TXK: variants seen among roughly 807,000 people sequenced by gnomAD.
TXK encodes tyrosine-protein kinase TXK.
Under a neutral mutation model 81.0 loss-of-function variants are expected in TXK, and 60 were observed. The observed-to-expected ratio is 0.74, with a 90% CI of 0.60 to 0.92. The LOEUF (loss-of-function observed/expected upper bound fraction) is 0.92, where lower values mean the gene tolerates loss of function less well. Among genes scored for constraint, TXK ranks in the 40% least tolerant of loss-of-function variants. The probability of loss-of-function intolerance (pLI) is 0.00; values close to 1 mark genes in which losing one functional copy is unlikely to be tolerated. For missense variants in TXK, 581 were observed against 638.3 expected (o/e 0.91, Z 0.97); for synonymous variants, 203 against 210.7 (o/e 0.96, Z 0.32).
At chr4:48,127,711 G>A (rs764498788) in intron 1 of TXK, among the ~76,000 whole-genome samples, 2 of 152,298 alleles carry the variant, frequency 1.3e-5, no homozygotes, top group Non-Finnish European at 2.9e-5. Flanking sequence ...CTCTAATGAT[G>A]AGCCTCAGGC....
At chr4:48,130,436 C>T (rs746553469) in intron 1 of TXK, among the ~76,000 whole-genome samples, 11 of 152,162 alleles carry the variant, frequency 7.2e-5, no homozygotes, top group Non-Finnish European at 1.3e-4. Flanking sequence ...CTCGGTTTCT[C>T]GTGATGGGGA....
chr4:48,113,209 G>T lies in TXK; in HGVS notation c.172C>A (p.Gln58Lys). 6.2e-7 allele frequency: 1 copy of T among 1,610,170 alleles called. No individual in the cohort carries two copies. Reference protein sequence around the residue: ...PWLSQLSNKKQSNTGRVQPSK... With the variant: ...PWLSQLSNKKKSNTGRVQPSK... ...TTGCCTGTCAAAATGATACTTACTT[G>T]CTTCTTATTTGACAATTGGCTGAGC... The change falls in exon 3 of 15, where the codon CAA (glutamine) becomes AAA (lysine). Residue 58 changes from glutamine (Q) to lysine (K), a missense_variant and splice_region_variant. Transcript: ENST00000264316.
intron 4 of TXK, among the ~76,000 whole-genome samples, chr4:48,111,355 A>G (rs945725142): frequency 1.3e-5 from 2 of 152,238 alleles, no homozygotes; most frequent in Non-Finnish European, 2.9e-5. Flanking sequence ...TATACTGAAA[A>G]TAATCTGAAA....
At chr4:48,118,604 C>G (rs997835856) in intron 1 of TXK, among the ~76,000 whole-genome samples, 3 of 152,120 alleles carry the variant, frequency 2.0e-5, no homozygotes, top group Non-Finnish European at 2.9e-5. Flanking sequence ...TAGTCTTTAC[C>G]AGTAGAAAGT....
rs777320597 is a variant in TXK, at chr4:48,114,387, G to T, written c.32C>A (p.Ser11Ter). The T allele has an allele frequency of 6.2e-7, 1 of 1,614,094 alleles. No homozygotes were observed. The highest frequency in any genetic ancestry group is 2.2e-5 in the East Asian group (1 of 44,890). MILSSYNTIQSVFCCCCCCSV... is the reference protein window; with the variant it reads MILSSYNTIQ ...ACAGCAACAGCAGCAACAGAAAACC[G>T]ACTGGATGGTGTTATCTGAAAAGCA... is the stretch of plus-strand genomic sequence containing the variant. The change falls in exon 2 of 15, where the codon TCG becomes TAG. Residue 11 changes from serine (S) to a stop codon, truncating the protein, a stop_gained. Coordinates refer to ENST00000264316, the MANE Select transcript of TXK (RefSeq NM_003328.3). LOFTEE classifies it high-confidence loss of function.
intron 9 of TXK, among the ~76,000 whole-genome samples, chr4:48,088,397 G>A (rs949959455): frequency 7.9e-5 from 12 of 152,158 alleles, no homozygotes; most frequent in African/African-American, 2.9e-4. Flanking sequence ...TTATTTGTAA[G>A]AGCCAAAAAT....
intron 9 of TXK, among the ~76,000 whole-genome samples, chr4:48,087,972 A>G (rs1156856241): frequency 5.3e-5 from 8 of 152,234 alleles, no homozygotes; most frequent in African/African-American, 1.4e-4. Flanking sequence ...TCAACTAGAG[A>G]AGACATATAC....
At chr4:48,097,239 T>C (rs919747408) in intron 6 of TXK, among the ~76,000 whole-genome samples, 13 of 151,898 alleles carry the variant, frequency 8.6e-5, no homozygotes, top group African/African-American at 2.9e-4. Flanking sequence ...AAGGAGAAAA[T>C]TATCAAGGAT....
intron 12 of TXK, 81 bp from the exon 13 acceptor site, chr4:48,074,134 G>A (rs1716972605): frequency 9.2e-7 from 1 of 1,081,246 alleles, no homozygotes. Flanking sequence ...TTAACTCTAA[G>A]TTGCTAAAAG....
intron 1 of TXK, among the ~76,000 whole-genome samples, chr4:48,132,080 T>C (rs1392364174): frequency 6.6e-6 from 1 of 152,022 alleles, no homozygotes; most frequent in Non-Finnish European, 1.5e-5. Context: ...AAACAATTGT[T>C]GGCTCCTATG....
chr4:48,107,928 G>A (rs1330097860), intron 5 of TXK, among the ~76,000 whole-genome samples: 4 of 146,714 alleles, frequency 2.7e-5, no homozygotes, highest in Non-Finnish European at 6.0e-5. Context: ...AAAAAAAACC[G>A]GGCGTGGTGG....
At chr4:48,082,150 CAGGCAA>C (rs919019527) in intron 10 of TXK, among the ~76,000 whole-genome samples, 3 of 152,144 alleles carry the variant, frequency 2.0e-5, no homozygotes, top group Non-Finnish European at 4.4e-5. Flanking sequence ...TGTGGGACTA[CAGGCAA>C]ATTACATAAT....
At chr4:48,127,228 T>C (rs1323096345) in intron 1 of TXK, among the ~76,000 whole-genome samples, 1 of 152,234 alleles carries the variant, frequency 6.6e-6, no homozygotes. Context: ...AACAGCTCCC[T>C]GGTGTTCCCT....
intron 10 of TXK, among the ~76,000 whole-genome samples, chr4:48,083,697 A>G (rs1717397873): frequency 6.6e-6 from 1 of 152,238 alleles, no homozygotes; most frequent in Non-Finnish European, 1.5e-5. Flanking sequence ...TTAAGCACCA[A>G]CTACATGCTA....
In TXK at chr4:48,120,785, C is replaced by A. The variant is rs939692181; in HGVS notation, c.17-6383G>T. On this transcript the variant is annotated intron_variant, in intron 1 of 14. Coordinates refer to ENST00000264316, the MANE Select transcript of TXK (RefSeq NM_003328.3). ...GGATTAAAGGCATGAGCCAGTCCTCCGGCCCTAGAAATAAGGCTCTTTACT... is the reference window on the plus strand; with the variant it reads ...GGATTAAAGGCATGAGCCAGTCCTCAGGCCCTAGAAATAAGGCTCTTTACT... 3.3e-5 allele frequency among the ~76,000 whole-genome samples: 5 copies of A among 151,970 alleles called. No individual in the cohort carries two copies. The East Asian group carries it at 5.8e-4, about 18-fold the overall frequency.
intron 1 of TXK, among the ~76,000 whole-genome samples, chr4:48,117,038 A>C (rs1718831441): frequency 6.6e-6 from 1 of 152,150 alleles, no homozygotes; most frequent in Non-Finnish European, 1.5e-5. Context: ...GGCATGTGCC[A>C]CCACACCCAG....
intron 9 of TXK, 127 bp from the exon 10 acceptor site, chr4:48,086,764 A>T: frequency 1.2e-6 from 1 of 839,676 alleles, no homozygotes; most frequent in Non-Finnish European, 1.8e-6. Flanking sequence ...TGGAGAGGAT[A>T]TGAAGCCATT....
rs1718699870 is a variant in TXK, at chr4:48,113,328, C to T, written c.72-19G>A. ...CATTTGTCTGACATTGAAAAGCAAT[C>T]ATGTTACAAATAATTATTTGTACAA... is the stretch of plus-strand genomic sequence containing the variant. On this transcript the variant is annotated intron_variant, in intron 2 of 14. Transcript: ENST00000264316. 6.4e-7 allele frequency: 1 copy of T among 1,569,596 alleles called. No individual in the cohort carries two copies. The highest frequency in any genetic ancestry group is 8.7e-7 in the Non-Finnish European group (1 of 1,145,180).
At chr4:48,079,203 A>G (rs960975747) in intron 11 of TXK, among the ~76,000 whole-genome samples, 10 of 152,204 alleles carry the variant, frequency 6.6e-5, no homozygotes, top group African/African-American at 1.9e-4. Context: ...CGAAGATGAT[A>G]ACAGCCCTTT....
Sources: gnomAD v4.1 joint callset for allele counts (sites outside exome capture counted in the v4.1 genomes callset) on GRCh38, gnomAD v4.1.1 for gene constraint, MANE v1.5 for transcripts, NCBI Gene and HGNC (gene_info 2026-07-23, HGNC 2026-07-21) for gene names.